The following FGFR2 variants were observed in gnomAD, a reference collection of about 807,000 sequenced individuals.
The protein encoded by FGFR2 is BEK fibroblast growth factor receptor.
Under a neutral mutation model 95.9 loss-of-function variants are expected in FGFR2, and 19 were observed. The observed-to-expected ratio is 0.20, with a 90% CI of 0.14 to 0.29. FGFR2 has a LOEUF of 0.29. FGFR2 is among the 10% of genes least tolerant of loss of function. The pLI is 1.00. For synonymous variants in FGFR2, 392 were observed against 393.3 expected (o/e 1.00, Z 0.04); for missense variants, 707 against 1,056.9 (o/e 0.67, Z 4.59).
intron 6 of FGFR2, among the ~76,000 whole-genome samples, chr10:121,536,162 T>C (rs988536469): frequency 6.6e-6 from 1 of 152,238 alleles, no homozygotes; most frequent in East Asian, 1.9e-4. Flanking sequence ...TGCTGAGATG[T>C]TCAGAATGAC....
chr10:121,481,541 C>T (rs1018895285), intron 17 of FGFR2, among the ~76,000 whole-genome samples: 3 of 152,162 alleles, frequency 2.0e-5, no homozygotes, highest in South Asian at 2.1e-4. Context: ...GAAACAAACA[C>T]GCCCACCACA....
intron 4 of FGFR2, among the ~76,000 whole-genome samples, chr10:121,564,170 G>C (rs1857345761): frequency 6.6e-6 from 1 of 152,160 alleles, no homozygotes; most frequent in Non-Finnish European, 1.5e-5. Context: ...TGATTACAAG[G>C]AAAACCAAGA....
At chr10:121,541,354 T>C (rs1327618962) in intron 5 of FGFR2, among the ~76,000 whole-genome samples, 2 of 152,246 alleles carry the variant, frequency 1.3e-5, no homozygotes, top group African/African-American at 4.8e-5. Context: ...GACACTTTTG[T>C]AGGGGATATC....
At chr10:121,547,838 G>A (rs1468704349) in intron 5 of FGFR2, among the ~76,000 whole-genome samples, 1 of 152,176 alleles carries the variant, frequency 6.6e-6, no homozygotes, top group Non-Finnish European at 1.5e-5. Flanking sequence ...AGCCAGCCAA[G>A]GAGCTCCCCA....
rs1849532237 is a variant in FGFR2, at chr10:121,515,131, G to A, written c.1273C>T (p.Arg425Trp). Residue 425 changes from arginine to tryptophan, a missense_variant, in exon 9 of 18, where the codon CGG becomes TGG. Arg to Trp is a moderately radical substitution (Grantham distance 101). Transcript: ENST00000358487. ...TATCTACTTTCTGTTACCTGTCTCCGCAGGGGGATACGTTTGGTCAGCTTG... is the reference window on the plus strand; with the variant it reads ...TATCTACTTTCTGTTACCTGTCTCCACAGGGGGATACGTTTGGTCAGCTTG... ...VHKLTKRIPL[R>W]RQVTVSAESS... 4 of 1,614,076 alleles carry A rather than the reference G, an allele frequency of 2.5e-6. No homozygotes were observed. The highest frequency in any genetic ancestry group is 2.5e-6 in the Non-Finnish European group (3 of 1,180,004).
At chr10:121,557,712 A>T (rs981115192) in intron 4 of FGFR2, among the ~76,000 whole-genome samples, 1 of 152,148 alleles carries the variant, frequency 6.6e-6, no homozygotes. Flanking sequence ...GTTCTTTTCA[A>T]TTCCTAGAAA....
chr10:121,491,193 C>T (rs1846082651), intron 13 of FGFR2, among the ~76,000 whole-genome samples: 1 of 152,174 alleles, frequency 6.6e-6, no homozygotes, highest in East Asian at 1.9e-4. Flanking sequence ...TCAGCGAAAG[C>T]CAGAGTCTAG....
At chr10:121,493,251 A>G (rs889211417) in intron 13 of FGFR2, among the ~76,000 whole-genome samples, 5 of 152,176 alleles carry the variant, frequency 3.3e-5, no homozygotes, top group Non-Finnish European at 7.4e-5. Context: ...AATAATAACG[A>G]TAGTTACTAT....
rs1051740531 is a variant in FGFR2 at position 121,496,450 on chromosome 10, T to G, written c.1863+82A>C. The G allele has an allele frequency of 1.3e-4, 175 of 1,306,024 alleles. 3 individuals are homozygous for G. The highest frequency in any genetic ancestry group is 1.2e-3 in the South Asian group (102 of 84,854). The allele number at this position is 1,306,024 out of a possible 1,614,324, so 80.9% of individuals were successfully genotyped here. On this transcript the variant is annotated intron_variant, in intron 13 of 17. Coordinates refer to ENST00000358487, the MANE Select transcript of FGFR2 (RefSeq NM_000141.5). ...ACATGCGAGGGCTTGATCTAGCAAA[T>G]GAGCATGTCCAAATTGCCTGTTTTC...
rs1424602754 is a variant in FGFR2, at chr10:121,478,900, G to A, written c.*957C>T. The A allele has an allele frequency of 4.3e-6, 1 of 233,442 alleles. No individual in the cohort carries two copies. Among genetic ancestry groups the A allele is most frequent in the Non-Finnish European group, 8.5e-6 (1 of 117,970 alleles). 14.5% of individuals were successfully genotyped at this position (233,442 alleles called of 1,614,324 possible). On this transcript the variant is annotated 3_prime_UTR_variant, in exon 18 of 18. Coordinates refer to ENST00000358487, the MANE Select transcript of FGFR2 (RefSeq NM_000141.5). ...TTAAGGCATCTTTTAAGAGGACGCT[G>A]GTACCATTTATCTTGGGAAGTCCAG...
At chr10:121,542,966 G>C (rs1039967163) in intron 5 of FGFR2, among the ~76,000 whole-genome samples, 12 of 152,290 alleles carry the variant, frequency 7.9e-5, no homozygotes, top group African/African-American at 2.9e-4. Flanking sequence ...AAAAAATCCA[G>C]ACATTTCCAA....
At chr10:121,555,005 G>C (rs1855930165) in intron 4 of FGFR2, among the ~76,000 whole-genome samples, 1 of 152,142 alleles carries the variant, frequency 6.6e-6, no homozygotes, top group East Asian at 1.9e-4. Context: ...CCAAATTAAA[G>C]ATCTACTGAA....
chr10:121,553,604 C>T (rs1855701724), intron 4 of FGFR2, among the ~76,000 whole-genome samples: 1 of 152,208 alleles, frequency 6.6e-6, no homozygotes, highest in African/African-American at 2.4e-5. Flanking sequence ...ATACCTCATG[C>T]TGTCAGGTGT....
At chr10:121,481,043 T>G (rs1358969298) in intron 17 of FGFR2, among the ~76,000 whole-genome samples, 1 of 152,160 alleles carries the variant, frequency 6.6e-6, no homozygotes, top group Non-Finnish European at 1.5e-5. Flanking sequence ...AACACATCTA[T>G]TTACATATTG....
At chr10:121,563,512 A>T (rs897111682) in intron 4 of FGFR2, among the ~76,000 whole-genome samples, 1 of 152,218 alleles carries the variant, frequency 6.6e-6, no homozygotes, top group Non-Finnish European at 1.5e-5. Context: ...CCAATACCCT[A>T]TGTACAAACA....
rs549746625 is a variant in FGFR2, at chr10:121,562,353, C to A, written c.454+2149G>T. ...AGGAGGGAGTGCAGTGGTGTGATCT[C>A]GACTCACTGCAACCTCCGCATCCTG... is the stretch of plus-strand genomic sequence containing the variant. On this transcript the variant is annotated intron_variant, in intron 4 of 17. Transcript: ENST00000358487. Among the ~76,000 whole-genome samples, 54 of 151,288 alleles carry A rather than the reference C, an allele frequency of 3.6e-4. No individual in the cohort carries two copies. In the South Asian group the frequency reaches 0.011, roughly 32 times the overall value.
chr10:121,597,586 C>T (rs1301500926), intron 1 of FGFR2, among the ~76,000 whole-genome samples: 1 of 152,226 alleles, frequency 6.6e-6, no homozygotes, highest in Non-Finnish European at 1.5e-5. Context: ...GGAGATGACC[C>T]CGGGAACCGG....
At chr10:121,520,291 G>T in intron 6 of FGFR2, 122 bp from the exon 7 acceptor site, 1 of 983,160 alleles carries the variant, frequency 1.0e-6, no homozygotes, top group Non-Finnish European at 1.5e-6. Context: ...CCTGCTGGCT[G>T]ACACCTTTGA....
Position 121,598,144 on chromosome 10 carries a change from G to C in FGFR2, c.-333C>G, listed in dbSNP as rs1243067743. 5 of 398,278 alleles carry C rather than the reference G, an allele frequency of 1.3e-5. No homozygotes were observed. The highest frequency in any genetic ancestry group is 7.1e-5 in the East Asian group (2 of 28,066). The allele number at this position is 398,278 out of a possible 1,614,324, so 24.7% of individuals were successfully genotyped here. ...GTACCCCAGGCTGCGGAGGAGCGCG[G>C]GCATGACGCCCGCGGGCTGCCCTCG... is the stretch of plus-strand genomic sequence containing the variant. On this transcript the variant is annotated 5_prime_UTR_variant, in exon 1 of 18. Coordinates refer to ENST00000358487, the MANE Select transcript of FGFR2 (RefSeq NM_000141.5).
Sources: allele counts gnomAD v4.1 joint callset (sites outside exome capture counted in the v4.1 genomes callset), GRCh38; gene constraint gnomAD v4.1.1; transcripts MANE v1.5; gene names NCBI Gene and HGNC (gene_info 2026-07-23, HGNC 2026-07-21).